LPAR6: variants seen among roughly 807,000 people sequenced by gnomAD.
LPAR6 encodes lysophosphatidic acid receptor 6.
In LPAR6, 17 loss-of-function variants were observed where a neutral mutation model predicts 22.0. The ratio of observed to expected loss-of-function variants is 0.77; its 90% CI spans 0.53 to 1.16. The LOEUF is 1.16. Ranked by LOEUF, LPAR6 falls within the 50% of genes most tolerant of loss-of-function variation. The probability of loss-of-function intolerance (pLI) is 0.00; values close to 1 mark genes in which losing one functional copy is unlikely to be tolerated. For synonymous variants in LPAR6, 136 were observed against 139.8 expected, an observed-to-expected ratio of 0.97 and a Z score of 0.19; for missense variants, 384 against 406.9, an observed-to-expected ratio of 0.94 and a Z score of 0.48.
intron 1 of LPAR6, among the ~76,000 whole-genome samples, chr13:48,396,595 T>C (rs1948650264): frequency 6.6e-6 from 1 of 152,090 alleles, no homozygotes; most frequent in African/African-American, 2.4e-5. Flanking sequence ...GGGCAAAGAC[T>C]TCATGACCAA....
rs1182119501 is a variant in LPAR6 at position 48,412,429 on chromosome 13, AG to A, written c.-7del. The A allele has an allele frequency of 6.2e-7, 1 of 1,609,448 alleles. No individual in the cohort carries two copies. Among genetic ancestry groups the A allele is most frequent in the South Asian group, 1.1e-5 (1 of 90,980 alleles). ...GAGCTGTTAACGCTTACCATCGTAA[AG>A]GCACGTCCAATTTTCAGTTTGGAAG... On this transcript the variant is annotated 5_prime_UTR_variant, in exon 1 of 1. Transcript: ENST00000620633.
intron 1 of LPAR6, among the ~76,000 whole-genome samples, chr13:48,437,539 C>G (rs1819477894): frequency 6.6e-6 from 1 of 152,186 alleles, no homozygotes; most frequent in Admixed American, 6.5e-5. Context: ...AAGGCTGCAG[C>G]TAGTTTAAGG....
Position 48,411,145 on chromosome 13 carries a change from A to C in LPAR6, c.*244T>G, listed in dbSNP as rs1235073143. The C allele has an allele frequency of 2.6e-6, 1 of 380,322 alleles. No individual in the cohort carries two copies. Among genetic ancestry groups the C allele is most frequent in the Admixed American group, 3.9e-5 (1 of 25,514 alleles). The allele number at this position is 380,322 out of a possible 1,614,324, so 23.6% of individuals were successfully genotyped here. On this transcript the variant is annotated 3_prime_UTR_variant, in exon 1 of 1. Coordinates refer to ENST00000620633, the MANE Select transcript of LPAR6 (RefSeq NM_001162498.3). ...TCACTTTTAGACACTAAATAACTTT[A>C]AGAGATTTTTTTTAATGAAGGAACA...
intron 1 of LPAR6, among the ~76,000 whole-genome samples, chr13:48,433,328 A>C (rs191511007): frequency 6.6e-6 from 1 of 152,188 alleles, no homozygotes; most frequent in Non-Finnish European, 1.5e-5. Flanking sequence ...AATTATTTAA[A>C]TATACCACTA....
At chr13:48,417,601 A>G (rs1215398564), upstream of LPAR6, among the ~76,000 whole-genome samples, 3 of 152,100 alleles carry the variant, frequency 2.0e-5, no homozygotes, top group Non-Finnish European at 1.5e-5. Context: ...CCAAAGGACC[A>G]TGTTCTAACC....
intron 1 of LPAR6, among the ~76,000 whole-genome samples, chr13:48,394,240 A>G (rs1227001624): frequency 6.6e-6 from 1 of 152,180 alleles, no homozygotes; most frequent in Non-Finnish European, 1.5e-5. Context: ...TGCTTTTCCC[A>G]CAGTCTTCGC....
intron 1 of LPAR6, among the ~76,000 whole-genome samples, chr13:48,403,888 C>T (rs1236395951): frequency 6.6e-6 from 1 of 152,116 alleles, no homozygotes; most frequent in Non-Finnish European, 1.5e-5. Flanking sequence ...GTAGTCCCAG[C>T]TACTTGGGAG....
At chr13:48,430,488 C>T (rs1357603677), upstream of LPAR6, among the ~76,000 whole-genome samples, 1 of 152,100 alleles carries the variant, frequency 6.6e-6, no homozygotes, top group Non-Finnish European at 1.5e-5. Context: ...TGCCTATAAT[C>T]CCAGCACTTT....
intron 1 of LPAR6, among the ~76,000 whole-genome samples, chr13:48,436,336 AATATAG>A (rs1406241456): frequency 2.0e-5 from 3 of 152,314 alleles, no homozygotes; most frequent in Admixed American, 1.3e-4. Context: ...ACTTAGGAAT[AATATAG>A]ATATAGTTAA....
chr13:48,398,894 A>C (rs1948668413), intron 1 of LPAR6, among the ~76,000 whole-genome samples: 1 of 152,126 alleles, frequency 6.6e-6, no homozygotes, highest in African/African-American at 2.4e-5. Context: ...CTAATAAGTA[A>C]CAAGAAAGGG....
At chr13:48,403,507 C>T (rs1948712292) in intron 1 of LPAR6, among the ~76,000 whole-genome samples, 1 of 151,960 alleles carries the variant, frequency 6.6e-6, no homozygotes, top group African/African-American at 2.4e-5. Context: ...CACACAACAC[C>T]CCCAGGAAAG....
intron 1 of LPAR6, among the ~76,000 whole-genome samples, chr13:48,402,996 T>C (rs1948706896): frequency 6.6e-6 from 1 of 152,116 alleles, no homozygotes; most frequent in Non-Finnish European, 1.5e-5. Flanking sequence ...ACCTTTTTTA[T>C]ATATAAAACC....
chr13:48,420,908 A>T (rs898693826), intron 2 of LPAR6, among the ~76,000 whole-genome samples: 2 of 152,228 alleles, frequency 1.3e-5, no homozygotes, highest in Non-Finnish European at 2.9e-5. Flanking sequence ...ATGGAAGAAC[A>T]TTCCATGTTC....
intron 1 of LPAR6, among the ~76,000 whole-genome samples, chr13:48,434,571 C>G (rs1031430058): frequency 3.9e-5 from 6 of 152,132 alleles, no homozygotes; most frequent in Non-Finnish European, 8.8e-5. Flanking sequence ...TTTAACCCTA[C>G]AGCCGAGACT....
chr13:48,392,049 T>G (rs1230422944), intron 1 of LPAR6, among the ~76,000 whole-genome samples: 1 of 152,204 alleles, frequency 6.6e-6, no homozygotes, highest in Non-Finnish European at 1.5e-5. Context: ...GTTGACAGTC[T>G]TTTTGTTTTT....
At chr13:48,419,298 A>T (rs958043931) in intron 2 of LPAR6, among the ~76,000 whole-genome samples, 1 of 152,220 alleles carries the variant, frequency 6.6e-6, no homozygotes, top group Non-Finnish European at 1.5e-5. Context: ...TGGGAAAATA[A>T]TGAAATTAAG....
chr13:48,402,880 A>T (rs1279305842), intron 1 of LPAR6, among the ~76,000 whole-genome samples: 1 of 152,166 alleles, frequency 6.6e-6, no homozygotes, highest in Non-Finnish European at 1.5e-5. Context: ...CCTATATGAC[A>T]TATAAATCAA....
At chr13:48,390,268 T>C (rs929446051) in intron 1 of LPAR6, among the ~76,000 whole-genome samples, 2 of 152,234 alleles carry the variant, frequency 1.3e-5, no homozygotes, top group Non-Finnish European at 2.9e-5. Flanking sequence ...TGAAGTTTAA[T>C]AGGTGTAGTG....
At chr13:48,442,155 C>G (rs184762650) in intron 1 of LPAR6, among the ~76,000 whole-genome samples, 54 of 152,238 alleles carry the variant, frequency 3.5e-4, no homozygotes, top group Non-Finnish European at 5.7e-4. Flanking sequence ...CTGTTTCTCA[C>G]ATTGTATTAG....
Sources: gnomAD v4.1 joint callset for allele counts (sites outside exome capture counted in the v4.1 genomes callset) on GRCh38, gnomAD v4.1.1 for gene constraint, MANE v1.5 for transcripts, NCBI Gene and HGNC (gene_info 2026-07-23, HGNC 2026-07-21) for gene names.